The following RNF152 variants were observed in gnomAD, a reference collection of about 807,000 sequenced individuals.
The protein encoded by RNF152 is ring finger protein 152, also known as E3 ubiquitin-protein ligase RNF152.
A neutral mutation model predicts 12.7 loss-of-function variants in RNF152; 11 were observed. That is an observed-to-expected ratio of 0.86 (90% confidence interval 0.54 to 1.43). The LOEUF (loss-of-function observed/expected upper bound fraction) is 1.43. RNF152 is among the 40% of genes most tolerant of loss of function. RNF152 has a pLI of 0.00. For synonymous variants in RNF152, 113 were observed against 120.3 expected, an observed-to-expected ratio of 0.94 and a Z score of 0.40; for missense variants, 255 against 274.8, an observed-to-expected ratio of 0.93 and a Z score of 0.51.
At chr18:61,854,727 A>G (rs1911140835) in intron 1 of RNF152, among the ~76,000 whole-genome samples, 1 of 152,196 alleles carries the variant, frequency 6.6e-6, no homozygotes, top group East Asian at 1.9e-4. Context: ...TTTCACTAGC[A>G]CATCAGGGAG....
chr18:61,812,917 G>C lies in RNF152; in HGVS notation c.*2935C>G, dbSNP rs1383257483. The C allele has an allele frequency of 1.3e-5, 2 of 152,068 alleles. No homozygotes were observed. The highest frequency in any genetic ancestry group is 2.9e-5 in the Non-Finnish European group (2 of 68,022). The allele number at this position is 152,068 out of a possible 1,614,324, so 9.4% of individuals were successfully genotyped here. ...AAGGGTATTCATCAACCCTAGAAAG[G>C]ATCATAGCCAGATAGAGATATAGAC... is the stretch of plus-strand genomic sequence containing the variant. On this transcript the variant is annotated 3_prime_UTR_variant, in exon 2 of 2. Coordinates refer to ENST00000312828, the MANE Select transcript of RNF152 (RefSeq NM_173557.3).
intron 1 of RNF152, 76 bp from the exon 2 acceptor site, chr18:61,816,674 T>C (rs192008219): frequency 9.2e-6 from 5 of 540,950 alleles, no homozygotes; most frequent in Non-Finnish European, 1.6e-5. Context: ...AATGGATTTA[T>C]ACCATTGCTC....
Position 61,815,887 on chromosome 18 carries a change from T to C in RNF152, c.577A>G (p.Ile193Val), listed in dbSNP as rs1290763763. The change falls in exon 2 of 2, where the codon ATT becomes GTT. Residue 193 changes from isoleucine (I) to valine (V), a missense_variant. By Grantham distance (29) the Ile-to-Val change is conservative. Transcript: ENST00000312828. Reference protein sequence around the residue: ...LGIVLHNMSCISKRFTVISCG With the variant: ...LGIVLHNMSCVSKRFTVISCG ...GATATCACAGTGAAGCGCTTAGAAATGCAAGACATGTTGTGAAGCACGATG... is the reference window on the plus strand; with the variant it reads ...GATATCACAGTGAAGCGCTTAGAAACGCAAGACATGTTGTGAAGCACGATG... 2 of 1,614,014 alleles carry C rather than the reference T, an allele frequency of 1.2e-6. No homozygotes were observed. Among genetic ancestry groups the C allele is most frequent in the South Asian group, 1.1e-5 (1 of 91,072 alleles).
chr18:61,871,022 G>A (rs757712970), intron 1 of RNF152, among the ~76,000 whole-genome samples: 1 of 152,056 alleles, frequency 6.6e-6, no homozygotes, highest in East Asian at 1.9e-4. Flanking sequence ...TTCCCAGAGA[G>A]GCTGTTACTA....
chr18:61,824,794 A>G (rs193028047), intron 1 of RNF152, among the ~76,000 whole-genome samples: 2 of 152,232 alleles, frequency 1.3e-5, no homozygotes, highest in Non-Finnish European at 2.9e-5. Context: ...CATTCATCAA[A>G]CACATGGCTT....
At position 61,815,771 on chromosome 18, in the gene RNF152, C is replaced by A; in HGVS notation, c.*81G>T. ...CAGCACCAAATGGTCAGTGTTGCCC[C>A]CCATCTTCTCACTGGGATCTCATCA... On this transcript the variant is annotated 3_prime_UTR_variant, in exon 2 of 2. Transcript: ENST00000312828. 6.7e-7 allele frequency: 1 copy of A among 1,497,870 alleles called. No individual in the cohort carries two copies. The highest frequency in any genetic ancestry group is 9.2e-7 in the Non-Finnish European group (1 of 1,092,326). 92.8% of individuals were successfully genotyped at this position (1,497,870 alleles called of 1,614,324 possible).
chr18:61,862,518 C>G (rs1568284693), intron 1 of RNF152, among the ~76,000 whole-genome samples: 1 of 152,122 alleles, frequency 6.6e-6, no homozygotes, highest in Non-Finnish European at 1.5e-5. Context: ...GCCCTGGGGA[C>G]AGGAATGCTA....
At chr18:61,858,891 G>C (rs113699610) in intron 1 of RNF152, among the ~76,000 whole-genome samples, 2 of 152,296 alleles carry the variant, frequency 1.3e-5, no homozygotes, top group African/African-American at 4.8e-5. Context: ...TGGTCAGCAA[G>C]CCTGAGACAA....
chr18:61,845,493 C>T (rs769648918), intron 1 of RNF152, among the ~76,000 whole-genome samples: 1 of 152,236 alleles, frequency 6.6e-6, no homozygotes, highest in African/African-American at 2.4e-5. Context: ...ACATCAATCT[C>T]TCTCCTAGTT....
At chr18:61,866,024 A>G (rs530386698) in intron 1 of RNF152, among the ~76,000 whole-genome samples, 1 of 152,248 alleles carries the variant, frequency 6.6e-6, no homozygotes, top group Non-Finnish European at 1.5e-5. Context: ...TCTCAGGTCT[A>G]TTCCTCCCAC....
In RNF152 at chr18:61,815,822, CACCCACA is replaced by C. The variant is rs757379623; in HGVS notation, c.*23_*29del. The C allele has an allele frequency of 5.9e-5, 95 of 1,599,944 alleles. 1 individual carries two copies. Among genetic ancestry groups the C allele is most frequent in the Middle Eastern group, 1.7e-4 (1 of 6,034 alleles). On this transcript the variant is annotated 3_prime_UTR_variant, in exon 2 of 2. Transcript: ENST00000312828. ...TCAACCTGCTCAACCCCTAAGTTGG[CACCCACA>C]AGAGACTTCCCTGCAGCCCTCTTCA...
At chr18:61,852,561 C>G (rs573777726) in intron 1 of RNF152, among the ~76,000 whole-genome samples, 1 of 152,188 alleles carries the variant, frequency 6.6e-6, no homozygotes, top group African/African-American at 2.4e-5. Flanking sequence ...GATTGTCAGT[C>G]TTCAAAGAGA....
intron 1 of RNF152, among the ~76,000 whole-genome samples, chr18:61,890,780 T>C (rs1031230995): frequency 6.6e-6 from 1 of 152,196 alleles, no homozygotes; most frequent in Non-Finnish European, 1.5e-5. Context: ...CAAACAACTC[T>C]GAGGGAATTA....
At chr18:61,878,317 G>A (rs972326005) in intron 1 of RNF152, among the ~76,000 whole-genome samples, 2 of 152,084 alleles carry the variant, frequency 1.3e-5, no homozygotes, top group East Asian at 1.9e-4. Flanking sequence ...TGCACAGGAC[G>A]GTCTTCCCAC....
At chr18:61,866,578 C>T (rs1735296849) in intron 1 of RNF152, among the ~76,000 whole-genome samples, 1 of 152,172 alleles carries the variant, frequency 6.6e-6, no homozygotes, top group African/African-American at 2.4e-5. Flanking sequence ...ACATTTCCAG[C>T]CTCATCCAAC....
At chr18:61,825,739 G>A (rs1415112050) in intron 1 of RNF152, among the ~76,000 whole-genome samples, 8 of 152,238 alleles carry the variant, frequency 5.3e-5, no homozygotes, top group African/African-American at 1.9e-4. Context: ...GTCTCTCTCT[G>A]CTATAGCCCT....
intron 1 of RNF152, among the ~76,000 whole-genome samples, chr18:61,878,567 C>T (rs767530314): frequency 1.3e-5 from 2 of 152,196 alleles, no homozygotes; most frequent in Non-Finnish European, 2.9e-5. Context: ...TCTGTTTGTG[C>T]TGCTACAACA....
At chr18:61,845,468 T>C (rs1250781952) in intron 1 of RNF152, among the ~76,000 whole-genome samples, 1 of 152,250 alleles carries the variant, frequency 6.6e-6, no homozygotes, top group African/African-American at 2.4e-5. Context: ...ACCTGGGAGC[T>C]TTTGTGCTGG....
At chr18:61,868,532 G>A (rs370747962) in intron 1 of RNF152, among the ~76,000 whole-genome samples, 10 of 151,990 alleles carry the variant, frequency 6.6e-5, no homozygotes, top group East Asian at 5.8e-4. Context: ...GTAAAATCCC[G>A]TCTCTACTAA....
Sources: gnomAD v4.1 joint callset for allele counts (sites outside exome capture counted in the v4.1 genomes callset) on GRCh38, gnomAD v4.1.1 for gene constraint, MANE v1.5 for transcripts, NCBI Gene and HGNC (gene_info 2026-07-23, HGNC 2026-07-21) for gene names.